The following CUL3 variants were observed in gnomAD, a reference collection of about 807,000 sequenced individuals.
CUL3 encodes the protein cullin-3.
A neutral mutation model predicts 89.1 loss-of-function variants in CUL3; 19 were observed. The observed-to-expected ratio is 0.21, with a 90% CI of 0.15 to 0.31. The LOEUF is 0.31. CUL3 is among the 10% of genes least tolerant of loss of function. The pLI is 1.00. For missense variants in CUL3, 469 were observed against 942.3 expected (o/e 0.50, Z 6.58); for synonymous variants, 351 against 308.4 (o/e 1.14, Z -1.45).
intron 7 of CUL3, 59 bp from the exon 8 acceptor site, chr2:224,506,191 C>A: frequency 8.9e-7 from 1 of 1,125,962 alleles, no homozygotes. Flanking sequence ...AAATAATACA[C>A]TTATGACCAT....
At chr2:224,557,909 A>G (rs1301627822) in intron 1 of CUL3, 53 bp from the exon 2 acceptor site, 2 of 999,190 alleles carry the variant, frequency 2.0e-6, no homozygotes, top group Non-Finnish European at 2.9e-6. Context: ...AAAAAAACCA[A>G]TGGTTGAAAG....
chr2:224,548,859 C>T (rs1458000120), intron 2 of CUL3, among the ~76,000 whole-genome samples: 2 of 151,966 alleles, frequency 1.3e-5, no homozygotes, highest in Non-Finnish European at 2.9e-5. Flanking sequence ...AAAATTTAGC[C>T]AGGCATGGTG....
At chr2:224,568,186 C>T (rs1231792994) in intron 1 of CUL3, among the ~76,000 whole-genome samples, 2 of 152,196 alleles carry the variant, frequency 1.3e-5, no homozygotes, top group African/African-American at 4.8e-5. Context: ...AAGTTAACAA[C>T]TCCTTCTCAG....
chr2:224,555,642 T>C (rs1205170914), intron 2 of CUL3, among the ~76,000 whole-genome samples: 1 of 152,176 alleles, frequency 6.6e-6, no homozygotes, highest in Non-Finnish European at 1.5e-5. Context: ...ATTATATGCC[T>C]CAGTCAAACT....
intron 1 of CUL3, among the ~76,000 whole-genome samples, chr2:224,566,350 C>T (rs1490875631): frequency 6.6e-6 from 1 of 152,166 alleles, no homozygotes; most frequent in African/African-American, 2.4e-5. Flanking sequence ...CTTCAAGGCT[C>T]AGGGGTTAGT....
At chr2:224,527,104 A>C (rs1207333563) in intron 3 of CUL3, among the ~76,000 whole-genome samples, 1 of 152,174 alleles carries the variant, frequency 6.6e-6, no homozygotes, top group African/African-American at 2.4e-5. Context: ...AAATGGGGAA[A>C]GCCTGTCTTA....
chr2:224,474,198 C>T lies in CUL3; in HGVS notation c.*47G>A, dbSNP rs758776467. 1 of 1,565,066 alleles carries T rather than the reference C, an allele frequency of 6.4e-7. No individual in the cohort carries two copies. Among genetic ancestry groups the T allele is most frequent in the Non-Finnish European group, 8.7e-7 (1 of 1,153,598 alleles). Reference sequence around the variant, plus strand: ...AATGATTTAAAAGAACTTCCCAGTCCATGCGAAGAGTACAGTCCAAGAATA... The same window carrying T: ...AATGATTTAAAAGAACTTCCCAGTCTATGCGAAGAGTACAGTCCAAGAATA... On this transcript the variant is annotated 3_prime_UTR_variant, in exon 16 of 16. Coordinates refer to ENST00000264414, the MANE Select transcript of CUL3 (RefSeq NM_003590.5).
chr2:224,543,722 C>T (rs1301704722), intron 2 of CUL3, among the ~76,000 whole-genome samples: 1 of 152,164 alleles, frequency 6.6e-6, no homozygotes, highest in East Asian at 1.9e-4. Flanking sequence ...CGGCTCAATG[C>T]CTATAATCCC....
chr2:224,497,935 T>TC lies in CUL3; in HGVS notation c.1611-87_1611-86insG, dbSNP rs1491309850. 2.6e-4 allele frequency: 265 copies of TC among 1,000,584 alleles called. 2 individuals are homozygous for TC. The highest frequency in any genetic ancestry group is 8.3e-4 in the Middle Eastern group (4 of 4,800). The allele number at this position is 1,000,584 out of a possible 1,614,324, so 62.0% of individuals were successfully genotyped here. Reference sequence around the variant, plus strand: ...ACTACAGGATAACATCCCTTAAACATTTGTGTGTGTGTGTGTGTGTGTATG... The same window carrying TC: ...ACTACAGGATAACATCCCTTAAACATCTTGTGTGTGTGTGTGTGTGTGTATG... On this transcript the variant is annotated intron_variant, in intron 11 of 15. Coordinates refer to ENST00000264414, the MANE Select transcript of CUL3 (RefSeq NM_003590.5).
At chr2:224,508,961 CA>C (rs3081932) in intron 6 of CUL3, among the ~76,000 whole-genome samples, 67 of 112,826 alleles carry the variant, frequency 5.9e-4, no homozygotes, top group Middle Eastern at 4.6e-3. Context: ...GACTTCGTCT[CA>C]AAAAAAAAAA....
At chr2:224,515,362 A>C (rs910621551) in intron 3 of CUL3, among the ~76,000 whole-genome samples, 1 of 152,240 alleles carries the variant, frequency 6.6e-6, no homozygotes, top group Non-Finnish European at 1.5e-5. Flanking sequence ...AGCACAGATA[A>C]TCCAGAAGTG....
chr2:224,563,312 C>G (rs1300672847), intron 1 of CUL3: 1 of 470,538 alleles, frequency 2.1e-6, no homozygotes. Context: ...GCTCTTGTCA[C>G]TCTCTACTGG....
intron 1 of CUL3, among the ~76,000 whole-genome samples, chr2:224,569,493 C>A (rs1274745314): frequency 1.3e-5 from 2 of 152,150 alleles, no homozygotes; most frequent in East Asian, 3.8e-4. Flanking sequence ...TGAAAGTGAT[C>A]TTTGCCTCCT....
intron 11 of CUL3, chr2:224,499,714 C>G (rs1692301177): frequency 9.5e-6 from 2 of 211,296 alleles, no homozygotes; most frequent in African/African-American, 4.6e-5. Flanking sequence ...AACTTCTGCC[C>G]CTTGTGCAAT....
intron 5 of CUL3, among the ~76,000 whole-genome samples, chr2:224,511,809 T>G (rs1223422871): frequency 6.6e-6 from 1 of 152,182 alleles, no homozygotes; most frequent in Non-Finnish European, 1.5e-5. Flanking sequence ...GTAAGCAATG[T>G]TTTTCAAACT....
At chr2:224,520,048 G>C (rs1242654222) in intron 3 of CUL3, among the ~76,000 whole-genome samples, 1 of 152,134 alleles carries the variant, frequency 6.6e-6, no homozygotes, top group Non-Finnish European at 1.5e-5. Context: ...CTACTAAAGA[G>C]ACCTTAGCAG....
chr2:224,498,636 T>C (rs1574629962), intron 11 of CUL3, among the ~76,000 whole-genome samples: 4 of 152,198 alleles, frequency 2.6e-5, no homozygotes, highest in African/African-American at 7.2e-5. Context: ...CATGAACTCT[T>C]GCAACAGCGT....
intron 1 of CUL3, among the ~76,000 whole-genome samples, chr2:224,573,555 T>C (rs1695232903): frequency 6.6e-6 from 1 of 152,214 alleles, no homozygotes. Flanking sequence ...TTACGAAGGC[T>C]TCTTCCAACT....
At chr2:224,580,833 T>A (rs1163389377) in intron 1 of CUL3, among the ~76,000 whole-genome samples, 1 of 152,122 alleles carries the variant, frequency 6.6e-6, no homozygotes, top group East Asian at 1.9e-4. Context: ...CAATTCTATA[T>A]TTTTTTACAA....
Sources: gnomAD v4.1 joint callset for allele counts (sites outside exome capture counted in the v4.1 genomes callset) on GRCh38, gnomAD v4.1.1 for gene constraint, MANE v1.5 for transcripts, NCBI Gene and HGNC (gene_info 2026-07-23, HGNC 2026-07-21) for gene names.